Variants in DDX49 observed in about 807,000 individuals in gnomAD.
The protein encoded by DDX49 is DEAD-box helicase 49, also known as probable ATP-dependent RNA helicase DDX49.
Under a neutral mutation model 56.3 loss-of-function variants are expected in DDX49, and 50 were observed. That is an observed-to-expected ratio of 0.89 (90% confidence interval 0.71 to 1.12). The LOEUF (loss-of-function observed/expected upper bound fraction) is 1.12. Ranked by LOEUF, DDX49 falls within the 50% of genes most tolerant of loss-of-function variation. The pLI, the probability that DDX49 is intolerant of heterozygous loss-of-function variation, is 0.00. For synonymous variants in DDX49, 269 were observed against 270.6 expected (o/e 0.99, Z 0.06); for missense variants, 614 against 650.5 (o/e 0.94, Z 0.61).
Position 18,924,587 on chromosome 19 carries a change from T to G in DDX49, c.853-36T>G, listed in dbSNP as rs201684040. The G allele has an allele frequency of 3.7e-6, 6 of 1,612,220 alleles. No homozygotes were observed. In the African/African-American group the frequency reaches 6.7e-5, roughly 18 times the overall value. On this transcript the variant is annotated intron_variant, in intron 7 of 12. Coordinates refer to ENST00000247003, the MANE Select transcript of DDX49 (RefSeq NM_019070.5). ...AGGCCTCACACAGAAAACCCTGCCT[T>G]CATGCATTCCCAATTTTCTTCCCAA...
chr19:18,922,786 G>A (rs1189018556), intron 6 of DDX49, 42 bp downstream of exon 6: 2 of 1,597,214 alleles, frequency 1.3e-6, no homozygotes, highest in Non-Finnish European at 1.7e-6. Flanking sequence ...CCCTTCAAAG[G>A]AGGAGGTGGC....
chr19:18,921,811 C>T (rs2038236030), intron 3 of DDX49, 32 bp from the exon 4 acceptor site: 2 of 1,613,904 alleles, frequency 1.2e-6, no homozygotes, highest in Middle Eastern at 3.3e-4. Flanking sequence ...GGACCACCTG[C>T]CCAGCCCTGC....
chr19:18,927,995 AAGG>A lies in DDX49; in HGVS notation c.1225_1227del (p.Glu409del), dbSNP rs753987118. 21 of 1,613,736 alleles carry A rather than the reference AAGG, an allele frequency of 1.3e-5. 1 individual carries two copies. In the Admixed American group the frequency reaches 1.8e-4, roughly 14 times the overall value. On this transcript the variant is annotated inframe_deletion, in exon 12 of 13. Transcript: ENST00000247003. ...GGAGGCGGCCCACTTTGACGAAAAG[AAGG>A]AGATCAACAAACGGAAGCAGCTGAT...
chr19:18,927,857 G>T lies in DDX49; in HGVS notation c.1191+3G>T. ...TGGTGCGAAGAGAGTGTGAGATCGT[G>T]AGTGTCAGAGGCGGGCAGGAACTAA... On this transcript the variant is annotated splice_donor_region_variant and intron_variant, in intron 11 of 12. Transcript: ENST00000247003. 1 of 1,614,108 alleles carries T rather than the reference G, an allele frequency of 6.2e-7. No homozygotes were observed. Among genetic ancestry groups the T allele is most frequent in the Non-Finnish European group, 8.5e-7 (1 of 1,180,028 alleles).
rs1479848189 is a variant in DDX49, at chr19:18,924,272, C to T, written c.816C>T (p.Ser272=). Reference sequence around the variant, plus strand: ...TGTGCATGATGCTGCGCAAATTCAGCTTCCCCACCGTGGCTCTGCACTCCA... The same window carrying T: ...TGTGCATGATGCTGCGCAAATTCAGTTTCCCCACCGTGGCTCTGCACTCCA... The part of the protein sequence containing the change: ...QILCMMLRKF[S]FPTVALHSMM... Residue 272 remains serine, a synonymous_variant, in exon 7 of 13, where the codon AGC becomes AGT. Transcript: ENST00000247003. The T allele has an allele frequency of 1.2e-6, 2 of 1,613,964 alleles. No individual in the cohort carries two copies. The highest frequency in any genetic ancestry group is 2.2e-5 in the South Asian group (2 of 91,088).
intron 10 of DDX49, 34 bp downstream of exon 10, chr19:18,926,411 G>T: frequency 7.2e-7 from 1 of 1,394,610 alleles, no homozygotes; most frequent in Non-Finnish European, 9.9e-7. Context: ...TAGAGAAGGA[G>T]GGGTGGGGTG....
At chr19:18,924,198 G>C (rs1245142568) in intron 6 of DDX49, 35 bp from the exon 7 acceptor site, 1 of 1,610,430 alleles carries the variant, frequency 6.2e-7, no homozygotes, top group Admixed American at 1.7e-5. Flanking sequence ...GAACCTGAGA[G>C]CTGGAGGGGT....
rs1466559124 is a variant in DDX49, at chr19:18,927,754, C to T, written c.1103-12C>T. The T allele has an allele frequency of 4.4e-6, 7 of 1,598,416 alleles. No individual in the cohort carries two copies. Among genetic ancestry groups the T allele is most frequent in the Non-Finnish European group, 6.0e-6 (7 of 1,165,942 alleles). ...CTCCCCACCCCCACCCCCGGCTTTG[C>T]TGTCCCCACAGAGAAGAAGCTGGAG... On this transcript the variant is annotated splice_polypyrimidine_tract_variant and intron_variant, in intron 10 of 12. Transcript: ENST00000247003.
At chr19:18,924,112 G>A (rs1460244328) in intron 6 of DDX49, 121 bp from the exon 7 acceptor site, 4 of 958,588 alleles carry the variant, frequency 4.2e-6, no homozygotes, top group Non-Finnish European at 6.7e-6. Context: ...CTGGCCTGCT[G>A]CCTCTCCTTT....
At chr19:18,927,669 C>A in intron 10 of DDX49, 97 bp from the exon 11 acceptor site, 1 of 1,013,416 alleles carries the variant, frequency 9.9e-7, no homozygotes, top group Non-Finnish European at 1.5e-6. Context: ...GATGGCCTTG[C>A]ATACCCCACA....
In DDX49 at chr19:18,921,660, C is replaced by T; in HGVS notation, c.240-3C>T. 2 of 1,614,080 alleles carry T rather than the reference C, an allele frequency of 1.2e-6. No homozygotes were observed. Among genetic ancestry groups the T allele is most frequent in the South Asian group, 1.1e-5 (1 of 91,076 alleles). On this transcript the variant is annotated splice_polypyrimidine_tract_variant and splice_region_variant and intron_variant, in intron 2 of 12. Transcript: ENST00000247003. Reference sequence around the variant, plus strand: ...ACCCAGCCTGGCCCCTTCACACCCACAGGGAGCTGGCCTACCAGATCGCAG... The same window carrying T: ...ACCCAGCCTGGCCCCTTCACACCCATAGGGAGCTGGCCTACCAGATCGCAG...
chr19:18,927,980 C>A lies in DDX49; in HGVS notation c.1207C>A (p.His403Asn), dbSNP rs201394581. The A allele has an allele frequency of 3.1e-6, 5 of 1,613,802 alleles. No homozygotes were observed. The East Asian group carries it at 1.1e-4, about 36-fold the overall frequency. ...RECEIKLEAA[H>N]FDEKKEINKR... ...CCTCCACCAGAAACTGGAGGCGGCC[C>A]ACTTTGACGAAAAGAAGGAGATCAA... is the stretch of plus-strand genomic sequence containing the variant. The change falls in exon 12 of 13, where the codon CAC (histidine) becomes AAC (asparagine). Residue 403 changes from histidine to asparagine, a missense_variant. Physicochemically the swap from His to Asn is moderately conservative, Grantham distance 68 (BLOSUM62 1). Transcript: ENST00000247003.
rs559409160 is a variant in DDX49 at position 18,922,623 on chromosome 19, C to T, written c.655C>T (p.Leu219=). The T allele has an allele frequency of 1.9e-6, 3 of 1,613,216 alleles. No homozygotes were observed. Among genetic ancestry groups the T allele is most frequent in the Non-Finnish European group, 2.5e-6 (3 of 1,179,696 alleles). The change falls in exon 6 of 13, where the codon CTG becomes TTG. Residue 219 remains leucine, a synonymous_variant. Coordinates refer to ENST00000247003, the MANE Select transcript of DDX49 (RefSeq NM_019070.5). The stretch of plus-strand genomic sequence containing the variant: ...CCCCAGGGTGAGCACCGTGGAGCAG[C>T]TGGACCAGCGCTACCTGCTGGTGCC... The part of the protein sequence containing the change: ...AQAPVSTVEQ[L]DQRYLLVPEK...
chr19:18,922,858 G>T, intron 6 of DDX49, 114 bp downstream of exon 6: 1 of 1,352,668 alleles, frequency 7.4e-7, no homozygotes. Flanking sequence ...TGCTCAGCCT[G>T]GAGGTCATGG....
chr19:18,924,614 C>G lies in DDX49; in HGVS notation c.853-9C>G, dbSNP rs1601253264. The G allele has an allele frequency of 1.2e-6, 2 of 1,614,048 alleles. No individual in the cohort carries two copies. The highest frequency in any genetic ancestry group is 2.2e-5 in the East Asian group (1 of 44,898). On this transcript the variant is annotated splice_polypyrimidine_tract_variant and intron_variant, in intron 7 of 12. Coordinates refer to ENST00000247003, the MANE Select transcript of DDX49 (RefSeq NM_019070.5). Reference sequence around the variant, plus strand: ...ATGCATTCCCAATTTTCTTCCCAACCCTGTGCAGAAAGAACGCTTTGCCGC... The same window carrying G: ...ATGCATTCCCAATTTTCTTCCCAACGCTGTGCAGAAAGAACGCTTTGCCGC...
At chr19:18,922,128 G>A (rs1390830566) in intron 4 of DDX49, 164 bp downstream of exon 4, 2 of 1,192,888 alleles carry the variant, frequency 1.7e-6, no homozygotes, top group African/African-American at 3.1e-5. Flanking sequence ...GGACCAACAA[G>A]AGGGGGCCCA....
intron 1 of DDX49, 130 bp from the exon 2 acceptor site, chr19:18,920,450 G>A: frequency 2.2e-6 from 2 of 903,714 alleles, no homozygotes; most frequent in African/African-American, 1.7e-5. Context: ...GAAGCTGTGG[G>A]CATCTCGGGT....
At chr19:18,924,425 T>A in intron 7 of DDX49, 117 bp downstream of exon 7, 1 of 1,144,348 alleles carries the variant, frequency 8.7e-7, no homozygotes. Context: ...TCTCTTCTGG[T>A]CCCAGAATAT....
chr19:18,924,558 C>T, intron 7 of DDX49, 65 bp from the exon 8 acceptor site: 1 of 1,561,326 alleles, frequency 6.4e-7, no homozygotes, highest in Non-Finnish European at 8.8e-7. Context: ...TCCACCCTGT[C>T]CCGAGGCCTC....
Sources: gnomAD v4.1 joint callset for allele counts on GRCh38, gnomAD v4.1.1 for gene constraint, MANE v1.5 for transcripts, NCBI Gene and HGNC (gene_info 2026-07-23, HGNC 2026-07-21) for gene names.